The following MRTFB variants were observed in gnomAD, a reference collection of about 807,000 sequenced individuals.
The protein encoded by MRTFB is myocardin related transcription factor B, also known as myocardin-related transcription factor B.
MRTFB carries 29 observed loss-of-function variants against 104.2 expected under a neutral mutation model. The observed-to-expected ratio is 0.28, with a 90% CI of 0.21 to 0.38. The LOEUF (loss-of-function observed/expected upper bound fraction) is 0.38, where lower values mean the gene tolerates loss of function less well. Ranked by LOEUF, MRTFB falls within the 10% of genes least tolerant of loss-of-function variation. The pLI, the probability that MRTFB is intolerant of heterozygous loss-of-function variation, is 1.00. For synonymous variants in MRTFB, 535 were observed against 519.5 expected, an observed-to-expected ratio of 1.03 and a Z score of -0.41; for missense variants, 1,270 against 1,341.6, an observed-to-expected ratio of 0.95 and a Z score of 0.83.
intron 3 of MRTFB, chr16:14,143,839 A>T (rs2038152968): frequency 6.6e-6 from 1 of 152,208 alleles, no homozygotes; most frequent in Non-Finnish European, 1.5e-5. Flanking sequence ...TTTTAAGCAG[A>T]TAATGTATTC....
intron 8 of MRTFB, among the ~76,000 whole-genome samples, chr16:14,226,464 A>T (rs1022591451): frequency 2.0e-5 from 3 of 152,178 alleles, no homozygotes; most frequent in Admixed American, 2.0e-4. Context: ...GGTACTGGGA[A>T]AACTGGATAT....
the MRTFB span, among the ~76,000 whole-genome samples, chr16:14,052,602 G>A: frequency 5.9e-5 from 9 of 152,120 alleles, no homozygotes; most frequent in East Asian, 1.4e-3. Context: ...AGCCAGGAAC[G>A]GTGGCTTATG....
At chr16:14,150,520 A>G (rs551868984) in intron 3 of MRTFB, among the ~76,000 whole-genome samples, 17 of 152,306 alleles carry the variant, frequency 1.1e-4, no homozygotes, top group Non-Finnish European at 5.9e-5. Context: ...TTCTTACAAT[A>G]AAGTAAGCTG....
chr16:14,048,153 T>G, the MRTFB span, among the ~76,000 whole-genome samples: 1 of 152,160 alleles, frequency 6.6e-6, no homozygotes, highest in East Asian at 1.9e-4. Flanking sequence ...CAGTCAAATC[T>G]TAAAGCCCCA....
intron 2 of MRTFB, among the ~76,000 whole-genome samples, chr16:14,081,086 T>C (rs1290504291): frequency 6.6e-6 from 1 of 152,194 alleles, no homozygotes; most frequent in Non-Finnish European, 1.5e-5. Context: ...CACACTGTTT[T>C]CCATAATGGC....
At chr16:14,213,112 T>C (rs2041266724) in intron 5 of MRTFB, among the ~76,000 whole-genome samples, 1 of 152,206 alleles carries the variant, frequency 6.6e-6, no homozygotes, top group Admixed American at 6.5e-5. Flanking sequence ...AATACATTTC[T>C]AATTAAGAAA....
chr16:14,258,050 G>C (rs1415764394), intron 15 of MRTFB, 51 bp from the exon 16 acceptor site: 1 of 1,469,016 alleles, frequency 6.8e-7, no homozygotes, highest in Non-Finnish European at 9.5e-7. Flanking sequence ...ATTATATAAT[G>C]CTTCCAGGTT....
intron 3 of MRTFB, among the ~76,000 whole-genome samples, chr16:14,209,871 C>T (rs549435809): frequency 2.0e-5 from 3 of 152,216 alleles, no homozygotes; most frequent in Admixed American, 6.5e-5. Context: ...TTTTAAAAAA[C>T]TAAGATGTGT....
chr16:14,247,079 C>G lies in MRTFB; in HGVS notation c.1819C>G (p.Arg607Gly), dbSNP rs151338050. The stretch of plus-strand genomic sequence containing the variant: ...GAAAATGCAACTTGAGGTTGAAAAA[C>G]GAGGGCAGCAGCAGCGGCCCCTGGA... The part of the protein sequence containing the change: ...VLKMQLEVEK[R>G]GQQQRPLEAQ... Residue 607 changes from arginine (R) to glycine (G), a missense_variant, in exon 12 of 17, where the codon CGA (arginine) becomes GGA (glycine). By Grantham distance (125) the Arg-to-Gly change is moderately radical. Coordinates refer to ENST00000571589, the MANE Select transcript of MRTFB (RefSeq NM_001308142.2). 5 of 1,614,042 alleles carry G rather than the reference C, an allele frequency of 3.1e-6. No individual in the cohort carries two copies. The African/African-American group carries it at 5.3e-5, about 17-fold the overall frequency.
At chr16:14,162,377 G>C (rs1033914207) in intron 3 of MRTFB, among the ~76,000 whole-genome samples, 1 of 151,892 alleles carries the variant, frequency 6.6e-6, no homozygotes, top group East Asian at 1.9e-4. Context: ...TTAATTATAT[G>C]ACATTACTGT....
At chr16:14,074,287 G>A (rs1779121444) in intron 1 of MRTFB, among the ~76,000 whole-genome samples, 1 of 152,160 alleles carries the variant, frequency 6.6e-6, no homozygotes, top group South Asian at 2.1e-4. Flanking sequence ...TGAGCAAGCA[G>A]TATCTTGTTC....
rs576540977 is a variant in MRTFB, at chr16:14,209,454, C to T, written c.155-789C>T. On this transcript the variant is annotated intron_variant, in intron 3 of 16. Transcript: ENST00000571589. ...AGAAAAATATTTTTCAGAGTCACCT[C>T]CTGTATTCCCCTTATTTTGAAATAG... Among the ~76,000 whole-genome samples the T allele has an allele frequency of 2.6e-5, 4 of 152,232 alleles. No homozygotes were observed. The South Asian group carries it at 8.3e-4, about 32-fold the overall frequency.
intron 3 of MRTFB, chr16:14,142,245 CTTTTTTTT>C (rs71999049): frequency 0.067 from 8,161 of 122,184 alleles, 763 homozygotes; most frequent in African/African-American, 0.23. Context: ...TCTTTTCTTT[CTTTTTTTT>C]TTTTTTTTTT....
chr16:14,081,755 T>A (rs1225155371), intron 2 of MRTFB, among the ~76,000 whole-genome samples: 1 of 151,544 alleles, frequency 6.6e-6, no homozygotes, highest in Non-Finnish European at 1.5e-5. Flanking sequence ...AAATTTTTTG[T>A]ATTTTTTGTG....
At chr16:14,089,975 ACTGT>A (rs1270590558) in intron 2 of MRTFB, among the ~76,000 whole-genome samples, 4 of 152,116 alleles carry the variant, frequency 2.6e-5, no homozygotes, top group Non-Finnish European at 4.4e-5. Context: ...TTTAAAATGG[ACTGT>A]CTTTTTATTG....
In MRTFB at chr16:14,218,522, A is replaced by G. The variant is rs140491093; in HGVS notation, c.515-298A>G. Among the ~76,000 whole-genome samples the G allele has an allele frequency of 5.5e-4, 84 of 151,798 alleles. 1 individual carries two copies. The highest frequency in any genetic ancestry group is 2.0e-3 in the African/African-American group (82 of 41,362). On this transcript the variant is annotated intron_variant, in intron 7 of 16. Transcript: ENST00000571589. ...TGTTTTGTTCTCTAGCATGTCCCAC[A>G]TTCTGGATTTTACTGATTGCATTTG...
At chr16:14,231,307 T>TAAA (rs1385448491) in intron 8 of MRTFB, among the ~76,000 whole-genome samples, 14 of 141,310 alleles carry the variant, frequency 9.9e-5, no homozygotes, top group African/African-American at 3.5e-4. Flanking sequence ...AAAATAAAAA[T>TAAA]AAATTAAAAA....
chr16:14,133,100 C>T (rs2037522584), intron 2 of MRTFB, among the ~76,000 whole-genome samples: 1 of 152,128 alleles, frequency 6.6e-6, no homozygotes, highest in East Asian at 1.9e-4. Context: ...ATTCTGTACT[C>T]AAGAGTCTTT....
the MRTFB span, among the ~76,000 whole-genome samples, chr16:14,010,272 A>C: frequency 6.6e-6 from 1 of 152,056 alleles, no homozygotes. Flanking sequence ...TCTTCTATTC[A>C]TATGATAATT....
Sources: allele counts gnomAD v4.1 joint callset (sites outside exome capture counted in the v4.1 genomes callset), GRCh38; gene constraint gnomAD v4.1.1; transcripts MANE v1.5; gene names NCBI Gene and HGNC (gene_info 2026-07-23, HGNC 2026-07-21).